Variants in ABCA13 observed in about 807,000 individuals in gnomAD.
The protein encoded by ABCA13 is ATP binding cassette subfamily A member 13, also known as ATP-binding cassette sub-family A member 13.
Under a neutral mutation model 478.7 loss-of-function variants are expected in ABCA13, and 476 were observed. The observed-to-expected ratio is 0.99, with a 90% confidence interval of 0.92 to 1.07. The LOEUF is 1.07. Ranked by LOEUF, ABCA13 falls within the 50% of genes least tolerant of loss-of-function variation. The pLI is 0.00. For synonymous variants in ABCA13, 2,252 were observed against 2,158.9 expected (o/e 1.04, Z -1.20); for missense variants, 6,060 against 5,910.6 (o/e 1.03, Z -0.83).
chr7:48,533,849 A>G (rs1349137888), intron 55 of ABCA13, among the ~76,000 whole-genome samples: 2 of 152,048 alleles, frequency 1.3e-5, no homozygotes, highest in East Asian at 3.9e-4. Flanking sequence ...TGCATGGAAT[A>G]TCTCTTTCCA....
chr7:48,350,892 C>G, intron 30 of ABCA13, 73 bp downstream of exon 30: 1 of 1,462,298 alleles, frequency 6.8e-7, no homozygotes, highest in Non-Finnish European at 9.3e-7. Flanking sequence ...GAGTTTCTCC[C>G]TAAAGGTGTC....
Position 48,183,223 on chromosome 7 carries a change from G to A in ABCA13, c.70-9736G>A, listed in dbSNP as rs144487935. ...TTACAATTTTAGTTTTTGTACCTAA[G>A]CATTTTATTCTTTGTGGTTTTTAGT... is the stretch of plus-strand genomic sequence containing the variant. On this transcript the variant is annotated intron_variant, in intron 1 of 61. Coordinates refer to ENST00000435803, the MANE Select transcript of ABCA13 (RefSeq NM_152701.5). 5.1e-3 allele frequency among the ~76,000 whole-genome samples: 783 copies of A among 152,126 alleles called. 3 individuals carry two copies. The highest frequency in any genetic ancestry group is 0.018 in the African/African-American group (740 of 41,500).
chr7:48,376,992 G>A (rs1430999770), intron 35 of ABCA13, among the ~76,000 whole-genome samples: 1 of 152,174 alleles, frequency 6.6e-6, no homozygotes, highest in Non-Finnish European at 1.5e-5. Context: ...GCCAGTGGCA[G>A]GTCGGTGCAT....
intron 55 of ABCA13, among the ~76,000 whole-genome samples, chr7:48,557,874 T>C (rs1056605331): frequency 6.6e-6 from 1 of 152,198 alleles, no homozygotes; most frequent in African/African-American, 2.4e-5. Flanking sequence ...ATTATCCCTT[T>C]GAATAAACTT....
chr7:48,200,353 C>T (rs1254791746), intron 3 of ABCA13, among the ~76,000 whole-genome samples: 2 of 152,072 alleles, frequency 1.3e-5, no homozygotes, highest in African/African-American at 2.4e-5. Context: ...GGTGACAGAG[C>T]GAGACTCATT....
chr7:48,491,591 T>C (rs1301160828), intron 48 of ABCA13, among the ~76,000 whole-genome samples: 1 of 152,212 alleles, frequency 6.6e-6, no homozygotes, highest in Admixed American at 6.5e-5. Flanking sequence ...TTTTAAAAAC[T>C]TGAGACTAAA....
intron 27 of ABCA13, among the ~76,000 whole-genome samples, chr7:48,330,975 T>C (rs1805302659): frequency 6.6e-6 from 1 of 152,226 alleles, no homozygotes; most frequent in Non-Finnish European, 1.5e-5. Context: ...ACTCTGAATA[T>C]GTCTACTTGT....
At chr7:48,565,119 A>T (rs909762611) in intron 55 of ABCA13, among the ~76,000 whole-genome samples, 1 of 152,048 alleles carries the variant, frequency 6.6e-6, no homozygotes, top group Non-Finnish European at 1.5e-5. Flanking sequence ...TTCTTTAAAA[A>T]CATGTCTTTG....
intron 55 of ABCA13, among the ~76,000 whole-genome samples, chr7:48,549,291 A>G (rs1785101309): frequency 6.6e-6 from 1 of 151,422 alleles, no homozygotes; most frequent in South Asian, 2.1e-4. Flanking sequence ...TTCAACTTCC[A>G]CTTATGAGTG....
chr7:48,422,055 C>CAAAAAAAAAAAAAAAAA (rs4022355), intron 41 of ABCA13, among the ~76,000 whole-genome samples: 10 of 80,564 alleles, frequency 1.2e-4, no homozygotes, highest in African/African-American at 1.7e-4. Context: ...GTCTTTCTTA[C>CAAAAAAAAAAAAAAAAA]AAAAAAAAAA....
intron 23 of ABCA13, among the ~76,000 whole-genome samples, chr7:48,301,086 G>A (rs1165977105): frequency 6.6e-6 from 1 of 152,152 alleles, no homozygotes; most frequent in Admixed American, 6.5e-5. Context: ...GAGTTCAGAG[G>A]ACTTTTGCTT....
Position 48,214,880 on chromosome 7 carries a change from A to C in ABCA13, c.288-4474A>C, listed in dbSNP as rs572586953. Among the ~76,000 whole-genome samples the C allele has an allele frequency of 3.3e-5, 5 of 152,176 alleles. 1 individual carries two copies. Among genetic ancestry groups the C allele is most frequent in the African/African-American group, 1.2e-4 (5 of 41,536 alleles). The stretch of plus-strand genomic sequence containing the variant: ...TGTTTTCACTGGAGTGGCACTTTTC[A>C]TTTTCTTTAAGAACCTTTTCTTTGC... On this transcript the variant is annotated intron_variant, in intron 3 of 61. Coordinates refer to ENST00000435803, the MANE Select transcript of ABCA13 (RefSeq NM_152701.5).
intron 15 of ABCA13, 125 bp from the exon 16 acceptor site, chr7:48,268,850 CTTTTT>C (rs57201740): frequency 5.4e-4 from 133 of 245,464 alleles, no homozygotes; most frequent in African/African-American, 9.9e-4. Flanking sequence ...TCCTACTCAT[CTTTTT>C]TTTTTTTTTT....
In ABCA13 at chr7:48,314,335, T is replaced by C. The variant is rs1198992535; in HGVS notation, c.9785T>C (p.Met3262Thr). 1.1e-5 allele frequency: 17 copies of C among 1,612,684 alleles called. No homozygotes were observed. The highest frequency in any genetic ancestry group is 1.4e-5 in the Non-Finnish European group (16 of 1,179,260). ...GCATCATTCCTTAGCGATTCTAATA[T>C]GTTTATTAATTTGCCCAGAGTTAAG... ...DQASFLSDSN[M>T]FINLPRVKEL... The change falls in exon 26 of 62, where the codon ATG (methionine) becomes ACG (threonine). Residue 3262 changes from methionine (M) to threonine (T), a missense_variant. By Grantham distance (81) the Met-to-Thr change is moderately conservative. Coordinates refer to ENST00000435803, the MANE Select transcript of ABCA13 (RefSeq NM_152701.5).
chr7:48,228,727 T>C (rs1788616759), intron 6 of ABCA13, among the ~76,000 whole-genome samples: 1 of 152,228 alleles, frequency 6.6e-6, no homozygotes, highest in South Asian at 2.1e-4. Context: ...TTTGTCAATG[T>C]AGGAAAATGG....
At position 48,352,722 on chromosome 7, in the gene ABCA13, C is replaced by T. The variant is rs144852128; in HGVS notation, c.10688+235C>T. On this transcript the variant is annotated intron_variant, in intron 31 of 61. Transcript: ENST00000435803. ...GTGAAGTTTTAAATTTGACATCAGG[C>T]ATCATCTATAGTTTTAAATACACTT... is the stretch of plus-strand genomic sequence containing the variant. Among the ~76,000 whole-genome samples, 626 of 152,128 alleles carry T rather than the reference C, an allele frequency of 4.1e-3. 18 individuals carry two copies. Among genetic ancestry groups the T allele is most frequent in the African/African-American group, 0.014 (577 of 41,390 alleles).
At chr7:48,231,497 C>T (rs1217197682) in intron 7 of ABCA13, among the ~76,000 whole-genome samples, 2 of 152,100 alleles carry the variant, frequency 1.3e-5, no homozygotes, top group African/African-American at 4.8e-5. Context: ...CAGGCCAAAA[C>T]ACGAGTGGCC....
chr7:48,317,880 C>G (rs1802823247), intron 27 of ABCA13, among the ~76,000 whole-genome samples: 1 of 152,170 alleles, frequency 6.6e-6, no homozygotes, highest in Non-Finnish European at 1.5e-5. Flanking sequence ...CCTCTCTAAT[C>G]TATTTACTGC....
chr7:48,642,580 CCAA>C (rs1377390041), intron 59 of ABCA13, among the ~76,000 whole-genome samples: 1 of 151,820 alleles, frequency 6.6e-6, no homozygotes, highest in African/African-American at 2.4e-5. Flanking sequence ...TATGATGTGC[CCAA>C]CACCACCTGA....
Sources: allele counts gnomAD v4.1 joint callset (sites outside exome capture counted in the v4.1 genomes callset), GRCh38; gene constraint gnomAD v4.1.1; transcripts MANE v1.5; gene names NCBI Gene and HGNC (gene_info 2026-07-23, HGNC 2026-07-21).